TOP2B: variants seen among roughly 807,000 people sequenced by gnomAD.
TOP2B encodes DNA topoisomerase 2-beta.
Under a neutral mutation model 193.5 loss-of-function variants are expected in TOP2B, and 51 were observed. That is an observed-to-expected ratio of 0.26 (90% CI 0.21 to 0.33). The LOEUF is 0.33. Ranked by LOEUF, TOP2B falls within the 10% of genes least tolerant of loss-of-function variation. The pLI is 1.00. For synonymous variants in TOP2B, 634 were observed against 635.7 expected, an observed-to-expected ratio of 1.00 and a Z score of 0.04; for missense variants, 1,378 against 1,909.3, an observed-to-expected ratio of 0.72 and a Z score of 5.19.
At chr3:25,645,926 ATT>A (rs756446533) in intron 1 of TOP2B, among the ~76,000 whole-genome samples, 2 of 140,456 alleles carry the variant, frequency 1.4e-5, no homozygotes, top group African/African-American at 2.7e-5. Context: ...TGCCCAGGTA[ATT>A]TTTTTTTTTT....
At chr3:25,637,774 C>T (rs1226816221) in intron 5 of TOP2B, among the ~76,000 whole-genome samples, 2 of 152,020 alleles carry the variant, frequency 1.3e-5, no homozygotes, top group Non-Finnish European at 2.9e-5. Flanking sequence ...GGTCAAAGCA[C>T]TTTCAACTCT....
At position 25,612,440 on chromosome 3, in the gene TOP2B, G is replaced by A. The variant is rs900643800; in HGVS notation, c.3786+75C>T. 36 of 1,055,322 alleles carry A rather than the reference G, an allele frequency of 3.4e-5. No individual in the cohort carries two copies. In the African/African-American group the frequency reaches 3.5e-4, roughly 10 times the overall value. 65.4% of individuals were successfully genotyped at this position (1,055,322 alleles called of 1,614,324 possible). ...ATAAAACAAAGCATGATTTAAACAC[G>A]CATTAAAATTTTTTAAATTATACAT... On this transcript the variant is annotated intron_variant, in intron 28 of 35. Transcript: ENST00000264331.
chr3:25,638,767 T>C (rs1219022933), intron 4 of TOP2B, among the ~76,000 whole-genome samples: 2 of 152,146 alleles, frequency 1.3e-5, no homozygotes, highest in Admixed American at 1.3e-4. Context: ...AGTATGAAAT[T>C]GGAACTGGCT....
chr3:25,619,332 T>C (rs764385182), intron 23 of TOP2B, among the ~76,000 whole-genome samples: 1 of 151,344 alleles, frequency 6.6e-6, no homozygotes, highest in Non-Finnish European at 1.5e-5. Context: ...CTTTCTTCCA[T>C]CAGCCTTTCT....
At chr3:25,662,784 G>A (rs1356575267) in intron 1 of TOP2B, among the ~76,000 whole-genome samples, 1 of 152,222 alleles carries the variant, frequency 6.6e-6, no homozygotes, top group African/African-American at 2.4e-5. Flanking sequence ...GAGGTCTTCA[G>A]AGGAAACACC....
chr3:25,653,854 A>C (rs894573255), intron 1 of TOP2B, among the ~76,000 whole-genome samples: 4 of 152,216 alleles, frequency 2.6e-5, no homozygotes, highest in African/African-American at 9.6e-5. Flanking sequence ...AAGGGCAAAA[A>C]ACACATTATC....
At chr3:25,619,738 GA>G (rs375797612) in intron 23 of TOP2B, 123 bp downstream of exon 23, 109,920 of 506,868 alleles carry the variant, frequency 0.22, 489 homozygotes, top group Middle Eastern at 0.24. Flanking sequence ...TGCAGGATGG[GA>G]AAAAAAAAAA....
chr3:25,649,052 G>A (rs1703503673), intron 1 of TOP2B, among the ~76,000 whole-genome samples: 1 of 152,166 alleles, frequency 6.6e-6, no homozygotes, highest in South Asian at 2.1e-4. Flanking sequence ...CTATGATGAA[G>A]TAGCAAACAT....
intron 2 of TOP2B, among the ~76,000 whole-genome samples, chr3:25,644,233 T>C (rs1575582939): frequency 6.6e-6 from 1 of 152,286 alleles, no homozygotes; most frequent in East Asian, 1.9e-4. Flanking sequence ...CTTAAATTTA[T>C]GTAAGCTTCC....
At chr3:25,640,748 T>G in intron 4 of TOP2B, among the ~76,000 whole-genome samples, 1 of 148,710 alleles carries the variant, frequency 6.7e-6, no homozygotes. Flanking sequence ...CACTTCTTCG[T>G]TGTCTTTTTT....
At chr3:25,626,339 A>C (rs1366919355) in intron 18 of TOP2B, among the ~76,000 whole-genome samples, 1 of 152,178 alleles carries the variant, frequency 6.6e-6, no homozygotes, top group Non-Finnish European at 1.5e-5. Context: ...AAACTCGGAA[A>C]AGGTTTAAAA....
chr3:25,630,771 C>T (rs1702931462), intron 11 of TOP2B, 30 bp downstream of exon 11: 3 of 1,484,664 alleles, frequency 2.0e-6, no homozygotes, highest in Non-Finnish European at 2.7e-6. Flanking sequence ...AAACTTAAAT[C>T]AAAATCTTAT....
chr3:25,625,800 T>A (rs1328412288), intron 18 of TOP2B, among the ~76,000 whole-genome samples: 2 of 152,112 alleles, frequency 1.3e-5, no homozygotes, highest in Non-Finnish European at 2.9e-5. Context: ...GGTAAAAACA[T>A]GAGGATGATA....
chr3:25,643,245 G>A (rs1703314308), intron 3 of TOP2B, among the ~76,000 whole-genome samples: 1 of 152,180 alleles, frequency 6.6e-6, no homozygotes, highest in South Asian at 2.1e-4. Context: ...GTGATTTGGA[G>A]AGGACAGAGA....
intron 18 of TOP2B, among the ~76,000 whole-genome samples, chr3:25,625,679 A>G (rs1575572754): frequency 6.6e-6 from 1 of 152,150 alleles, no homozygotes; most frequent in East Asian, 1.9e-4. Context: ...TTCCTCTTCC[A>G]ATGTGGCCCA....
At chr3:25,654,227 CAACT>C (rs1018086021) in intron 1 of TOP2B, among the ~76,000 whole-genome samples, 6 of 152,076 alleles carry the variant, frequency 3.9e-5, no homozygotes, top group Admixed American at 1.3e-4. Context: ...AAAACTATTA[CAACT>C]AATAAATGAT....
intron 1 of TOP2B, among the ~76,000 whole-genome samples, chr3:25,662,466 T>C (rs1350124040): frequency 1.3e-5 from 2 of 152,260 alleles, no homozygotes; most frequent in Admixed American, 6.5e-5. Flanking sequence ...AGATATACTC[T>C]ATAAATAAAA....
At chr3:25,658,957 T>G (rs542834000) in intron 1 of TOP2B, among the ~76,000 whole-genome samples, 19 of 152,146 alleles carry the variant, frequency 1.2e-4, no homozygotes, top group Admixed American at 5.9e-4. Context: ...ACAAACAGGG[T>G]AAAGGAGATG....
chr3:25,630,294 AT>A lies in TOP2B; in HGVS notation c.1563+17del. 1 of 1,548,912 alleles carries A rather than the reference AT, an allele frequency of 6.5e-7. No homozygotes were observed. The highest frequency in any genetic ancestry group is 8.7e-7 in the Non-Finnish European group (1 of 1,145,170). The stretch of plus-strand genomic sequence containing the variant: ...TGTGCATGTGTGTATACACATATAT[AT>A]ACACACACATACATACCTGTTTATG... On this transcript the variant is annotated intron_variant, in intron 12 of 35. Coordinates refer to ENST00000264331, the MANE Select transcript of TOP2B (RefSeq NM_001330700.2).
Sources: allele counts gnomAD v4.1 joint callset (sites outside exome capture counted in the v4.1 genomes callset), GRCh38; gene constraint gnomAD v4.1.1; transcripts MANE v1.5; gene names NCBI Gene and HGNC (gene_info 2026-07-23, HGNC 2026-07-21).